Variants in DRP2 observed in about 807,000 individuals in gnomAD.
The protein encoded by DRP2 is dystrophin related protein 2, also known as dystrophin-related protein 2.
A neutral mutation model predicts 78.2 loss-of-function variants in DRP2; 29 were observed. The ratio of observed to expected loss-of-function variants is 0.37; its 90% CI spans 0.28 to 0.51. The LOEUF (loss-of-function observed/expected upper bound fraction) is 0.51. DRP2 is among the 20% of genes least tolerant of loss of function. DRP2 has a pLI of 0.94. For missense variants in DRP2, 686 were observed against 770.6 expected (o/e 0.89, Z 1.30); for synonymous variants, 290 against 281.9 (o/e 1.03, Z -0.29).
intron 3 of DRP2, 141 bp from the exon 4 acceptor site, chrX:101,235,719 C>A (rs1033347409): frequency 3.3e-6 from 2 of 608,438 alleles, no homozygotes; most frequent in Non-Finnish European, 5.1e-6. Context: ...ATCTCAGTCC[C>A]TGAACACACA....
rs770382830 is a variant in DRP2 at position 101,245,337 on chromosome X, G to GGGGT, written c.1116-40_1116-37dup. ...TGAGTGGTGTGCACATCTGAGTGTG[G>GGGGT]GGGTGGGTGGGTGGTATAGATGCTG... On this transcript the variant is annotated intron_variant, in intron 10 of 23. Coordinates refer to ENST00000395209, the MANE Select transcript of DRP2 (RefSeq NM_001939.3). 8 of 1,099,301 alleles carry GGGGT rather than the reference G, an allele frequency of 7.3e-6. No individual in the cohort carries two copies. In the South Asian group the frequency reaches 1.6e-4, roughly 22 times the overall value. 90.6% of individuals were successfully genotyped at this position (1,099,301 alleles called of 1,213,427 possible).
chrX:101,258,210 C>A, intron 21 of DRP2, 99 bp from the exon 22 acceptor site: 1 of 731,802 alleles, frequency 1.4e-6, no homozygotes, highest in Non-Finnish European at 2.0e-6. Flanking sequence ...GGTGGAAGAG[C>A]ACAGGGATTG....
At chrX:101,231,791 C>T (rs745606851) in intron 3 of DRP2, 27 bp downstream of exon 3, 3 of 1,156,112 alleles carry the variant, frequency 2.6e-6, no homozygotes, top group East Asian at 3.0e-5. Flanking sequence ...GAAAGAAAGA[C>T]CTGTGGAGAA....
intron 2 of DRP2, among the ~76,000 whole-genome samples, chrX:101,226,970 A>G (rs926687568): frequency 8.9e-6 from 1 of 112,130 alleles, no homozygotes. Context: ...ATCTGGTGAG[A>G]GTCTTCTTGC....
Position 101,237,742 on chromosome X carries a change from G to C in DRP2, c.405G>C (p.Val135=), listed in dbSNP as rs1275194416. The C allele has an allele frequency of 1.7e-6, 2 of 1,160,348 alleles. No homozygotes were observed. The highest frequency in any genetic ancestry group is 2.3e-6 in the Non-Finnish European group (2 of 865,121). The change falls in exon 5 of 24, where the codon GTG becomes GTC. Residue 135 remains valine, a synonymous_variant. Transcript: ENST00000395209. ...CTCAGCTGCCCCTACAGGGGGATGT[G>C]GCCCTGGTGCAACAGGAGAAGGAGA... ...LSAQLPLQGD[V]ALVQQEKETH... is the part of the protein sequence containing the mutation.
Position 101,235,934 on chromosome X carries a change from G to A in DRP2, c.192G>A (p.Leu64=), listed in dbSNP as rs988525486. ...AGVPCLSLKL[L]NGSVGASGPL... ...TTCCCTGCCTAAGCCTAAAGCTGTT[G>A]AACGGGTCTGTTGGTGCCTCTGGAC... The change falls in exon 4 of 24, where the codon TTG becomes TTA. Residue 64 remains leucine (L), a synonymous_variant. Transcript: ENST00000395209. The A allele has an allele frequency of 2.5e-6, 3 of 1,210,362 alleles. No homozygotes were observed. Among genetic ancestry groups the A allele is most frequent in the African/African-American group, 3.5e-5 (2 of 57,276 alleles).
In DRP2 at chrX:101,254,903, G is replaced by A. The variant is rs758462829; in HGVS notation, c.2159G>A (p.Arg720Gln). The change falls in exon 19 of 24, where the codon CGA (arginine) becomes CAA (glutamine). Residue 720 changes from arginine to glutamine, a missense_variant. Physicochemically the swap from Arg to Gln is conservative, Grantham distance 43. Transcript: ENST00000395209. ...PMWPHADTHSRIEHFASRLAE... is the reference protein window; with the variant it reads ...PMWPHADTHSQIEHFASRLAE... ...TGGCCACACGCCGACACACACTCCC[G>A]AATTGAGCATTTTGCCAGCAGGTAC... 1.3e-5 allele frequency: 16 copies of A among 1,211,746 alleles called. No individual in the cohort carries two copies. The highest frequency in any genetic ancestry group is 1.8e-5 in the South Asian group (1 of 56,982).
chrX:101,260,153 A>G lies in DRP2; in HGVS notation c.2733A>G (p.Pro911=), dbSNP rs776014624. The G allele has an allele frequency of 4.1e-5, 49 of 1,209,294 alleles. No individual in the cohort carries two copies. The highest frequency in any genetic ancestry group is 6.7e-6 in the Non-Finnish European group (6 of 894,962). ...CCCGGGAGAAGGGACAGACTACTCC[A>G]GATACCGAGGCTGCAGGTGAGTTCC... ...SHPREKGQTT[P]DTEAADDVGS... The change falls in exon 23 of 24, where the codon CCA becomes CCG. Residue 911 remains proline (P), a synonymous_variant. Transcript: ENST00000395209.
Position 101,237,706 on chromosome X carries a change from G to C in DRP2, c.369G>C (p.Glu123Asp), listed in dbSNP as rs1922559836. 1.7e-6 allele frequency: 2 copies of C among 1,179,736 alleles called. No individual in the cohort carries two copies. The highest frequency in any genetic ancestry group is 2.0e-5 in the South Asian group (1 of 50,301). ...TTGACTGGCTCAGCCAAAAGGATGA[G>C]GAGTTGTCAGCTCAGCTGCCCCTAC... ...EIIDWLSQKD[E>D]ELSAQLPLQG... Residue 123 changes from glutamate to aspartate, a missense_variant, in exon 5 of 24, where the codon GAG (glutamate) becomes GAC (aspartate). By Grantham distance (45) the Glu-to-Asp change is conservative (BLOSUM62 2). Transcript: ENST00000395209.
At chrX:101,220,786 T>C (rs1654167022) in intron 1 of DRP2, among the ~76,000 whole-genome samples, 1 of 111,556 alleles carries the variant, frequency 9.0e-6, no homozygotes, top group South Asian at 3.8e-4. Flanking sequence ...CCTGGCTCTG[T>C]TGTTTTTCCT....
chrX:101,224,779 A>G (rs1922061296), intron 2 of DRP2, 73 bp downstream of exon 2: 3 of 112,515 alleles, frequency 2.7e-5, no homozygotes, highest in African/African-American at 9.7e-5. Flanking sequence ...GCTTGTCCAT[A>G]TATGTGCCGA....
intron 1 of DRP2, among the ~76,000 whole-genome samples, chrX:101,220,894 T>G (rs953712127): frequency 8.9e-6 from 1 of 111,856 alleles, no homozygotes; most frequent in Non-Finnish European, 1.9e-5. Context: ...TTGGAGTGGT[T>G]TCAAATAGGG....
chrX:101,240,309 G>C (rs1434346544), intron 6 of DRP2, among the ~76,000 whole-genome samples: 1 of 101,332 alleles, frequency 9.9e-6, no homozygotes, highest in East Asian at 3.6e-4. Flanking sequence ...TTGCAGCCTT[G>C]ACCTCCCAGG....
chrX:101,237,110 A>T (rs777964787), intron 4 of DRP2, among the ~76,000 whole-genome samples: 4 of 111,760 alleles, frequency 3.6e-5, no homozygotes, highest in African/African-American at 1.3e-4. Context: ...ATTCGTATGC[A>T]TCCTTGCACA....
rs759332362 is a variant in DRP2, at chrX:101,236,100, C to T, written c.281+77C>T. 2.3e-5 allele frequency: 25 copies of T among 1,085,624 alleles called. No individual in the cohort carries two copies. In the African/African-American group the frequency reaches 3.5e-4, roughly 15 times the overall value. 89.5% of individuals were successfully genotyped at this position (1,085,624 alleles called of 1,213,427 possible). ...TGCTGCTGCACCCTGTCCTTCTCCT[C>T]TCAGCCTGTGCATCCCCCTTTCCTT... On this transcript the variant is annotated intron_variant, in intron 4 of 23. Transcript: ENST00000395209.
At chrX:101,230,482 C>T (rs1274782582) in intron 2 of DRP2, among the ~76,000 whole-genome samples, 1 of 111,162 alleles carries the variant, frequency 9.0e-6, no homozygotes, top group Non-Finnish European at 1.9e-5. Context: ...GCTGAGATCG[C>T]GCCACTGCAC....
At position 101,238,986 on chromosome X, in the gene DRP2, T is replaced by C; in HGVS notation, c.444T>C (p.Phe148=). The stretch of plus-strand genomic sequence containing the variant: ...CATATTGCTAAACTTTATAGGCCTT[T>C]ATGGAAGAAGTCAAGTCTCGGGGCC... ...VQQEKETHAA[F]MEEVKSRGPY... Residue 148 remains phenylalanine, a synonymous_variant, in exon 6 of 24, where the codon TTT becomes TTC. Coordinates refer to ENST00000395209, the MANE Select transcript of DRP2 (RefSeq NM_001939.3). The C allele has an allele frequency of 8.3e-7, 1 of 1,210,105 alleles. No homozygotes were observed. The highest frequency in any genetic ancestry group is 1.1e-6 in the Non-Finnish European group (1 of 894,681).
rs1308526080 is a variant in DRP2 at position 101,254,489 on chromosome X, A to G, written c.2042A>G (p.His681Arg). 13 of 1,210,427 alleles carry G rather than the reference A, an allele frequency of 1.1e-5. No individual in the cohort carries two copies. The highest frequency in any genetic ancestry group is 1.7e-5 in the African/African-American group (1 of 57,248). Residue 681 changes from histidine to arginine, a missense_variant, in exon 18 of 24, where the codon CAT becomes CGT. By Grantham distance (29) the His-to-Arg change is conservative. Around this residue, in one of 2 missense-constraint regions of DRP2, gnomAD observed 423 missense variants for 531.5 expected, o/e 0.80. Coordinates refer to ENST00000395209, the MANE Select transcript of DRP2 (RefSeq NM_001939.3). Reference sequence around the variant, plus strand: ...TTAAAGAACAAATTCCGCTCCAAGCATTATTTCAGCAAACACCCTCAGCGA... The same window carrying G: ...TTAAAGAACAAATTCCGCTCCAAGCGTTATTTCAGCAAACACCCTCAGCGA... Reference protein sequence around the residue: ...TTLKNKFRSKHYFSKHPQRGY... With the variant: ...TTLKNKFRSKRYFSKHPQRGY...
Position 101,248,368 on chromosome X carries a change from G to A in DRP2, c.1454+78G>A, listed in dbSNP as rs1161890491. On this transcript the variant is annotated intron_variant, in intron 13 of 23. Coordinates refer to ENST00000395209, the MANE Select transcript of DRP2 (RefSeq NM_001939.3). Reference sequence around the variant, plus strand: ...CAAGTGGGCCTGGTGGGAAGGTGTTGCTCCCATAGTAGACTTGGACCCAGC... The same window carrying A: ...CAAGTGGGCCTGGTGGGAAGGTGTTACTCCCATAGTAGACTTGGACCCAGC... 8 of 1,117,465 alleles carry A rather than the reference G, an allele frequency of 7.2e-6. No homozygotes were observed. In the East Asian group the frequency reaches 2.1e-4, roughly 29 times the overall value. 92.1% of individuals were successfully genotyped at this position (1,117,465 alleles called of 1,213,427 possible).
Sources: gnomAD v4.1 joint callset for allele counts (sites outside exome capture counted in the v4.1 genomes callset) on GRCh38, gnomAD v4.1.1 for gene constraint, gnomAD v4.1.1 regional missense constraint, MANE v1.5 for transcripts, NCBI Gene and HGNC (gene_info 2026-07-23, HGNC 2026-07-21) for gene names.